Variants in GFRAL observed in about 807,000 individuals in gnomAD.
GFRAL encodes the protein GDNF family receptor alpha-like.
A neutral mutation model predicts 45.4 loss-of-function variants in GFRAL; 36 were observed. That is an observed-to-expected ratio of 0.79 (90% CI 0.61 to 1.05). GFRAL has a LOEUF of 1.05. GFRAL is among the 50% of genes least tolerant of loss of function. GFRAL has a pLI of 0.00. For synonymous variants in GFRAL, 166 were observed against 154.1 expected, an observed-to-expected ratio of 1.08 and a Z score of -0.57; for missense variants, 507 against 467.5, an observed-to-expected ratio of 1.08 and a Z score of -0.78.
At chr6:55,401,044 T>A (rs1768890525) in intron 8 of GFRAL, among the ~76,000 whole-genome samples, 1 of 152,168 alleles carries the variant, frequency 6.6e-6, no homozygotes, top group African/African-American at 2.4e-5. Context: ...ATTCCCTATG[T>A]ATTTGCTGTA....
chr6:55,376,369 C>T (rs116741038), intron 6 of GFRAL, among the ~76,000 whole-genome samples: 4,439 of 152,130 alleles, frequency 0.029, 88 homozygotes, highest in African/African-American at 0.05. Context: ...TGATTTTGTG[C>T]TCATAGAGTA....
At chr6:55,336,762 A>G (rs1662722909) in intron 3 of GFRAL, among the ~76,000 whole-genome samples, 1 of 152,130 alleles carries the variant, frequency 6.6e-6, no homozygotes, top group Non-Finnish European at 1.5e-5. Flanking sequence ...AATATATTAA[A>G]TAGAATTGTT....
At chr6:55,382,106 C>G (rs1250228638) in intron 6 of GFRAL, among the ~76,000 whole-genome samples, 1 of 151,856 alleles carries the variant, frequency 6.6e-6, no homozygotes, top group East Asian at 1.9e-4. Flanking sequence ...AACAGAATTT[C>G]TCTACTCTGT....
chr6:55,343,852 A>G (rs895412798), intron 3 of GFRAL, among the ~76,000 whole-genome samples: 9 of 152,204 alleles, frequency 5.9e-5, no homozygotes, highest in African/African-American at 2.2e-4. Flanking sequence ...GGATATCACC[A>G]TTTAATACAG....
intron 6 of GFRAL, among the ~76,000 whole-genome samples, chr6:55,376,512 C>T (rs1438634375): frequency 6.6e-6 from 1 of 151,928 alleles, no homozygotes; most frequent in Non-Finnish European, 1.5e-5. Context: ...ATTACTGCCT[C>T]AATTTCAGAA....
At chr6:55,346,573 A>C (rs1403754409) in intron 3 of GFRAL, among the ~76,000 whole-genome samples, 2 of 152,046 alleles carry the variant, frequency 1.3e-5, no homozygotes, top group East Asian at 3.9e-4. Flanking sequence ...GGATAGCATT[A>C]GGAGATATAC....
intron 6 of GFRAL, among the ~76,000 whole-genome samples, chr6:55,370,757 GC>G (rs1291504560): frequency 2.0e-5 from 3 of 152,160 alleles, no homozygotes; most frequent in Admixed American, 2.0e-4. Context: ...AGTTACATAG[GC>G]CCTGTGCTCA....
chr6:55,399,437 C>A lies in GFRAL; in HGVS notation c.1117C>A (p.Leu373Ile), dbSNP rs780164083. The change falls in exon 8 of 9, where the codon CTT becomes ATT. Residue 373 changes from leucine (L) to isoleucine (I), a missense_variant. Coordinates refer to ENST00000340465, the MANE Select transcript of GFRAL (RefSeq NM_207410.2). ...AATCCTTCTGTTGGTTATGGTCAAG[C>A]TTAGGTAACTGAATATAAATTAGAA... Reference protein sequence around the residue: ...CGILLLVMVKLRTSRISSKAR... With the variant: ...CGILLLVMVKIRTSRISSKAR... 6.3e-7 allele frequency: 1 copy of A among 1,595,362 alleles called. No homozygotes were observed. Among genetic ancestry groups the A allele is most frequent in the Admixed American group, 1.7e-5 (1 of 59,976 alleles).
intron 6 of GFRAL, among the ~76,000 whole-genome samples, chr6:55,368,175 A>G (rs1178101580): frequency 3.3e-5 from 5 of 151,172 alleles, no homozygotes; most frequent in Non-Finnish European, 7.4e-5. Context: ...TTCCCTTCTC[A>G]CTTCATTTCA....
intron 3 of GFRAL, among the ~76,000 whole-genome samples, chr6:55,348,606 G>C (rs1025425126): frequency 6.6e-6 from 1 of 151,920 alleles, no homozygotes; most frequent in Non-Finnish European, 1.5e-5. Context: ...TTTTCCCTGC[G>C]TTCTCAGGAC....
chr6:55,390,699 C>T (rs578012124), intron 6 of GFRAL, among the ~76,000 whole-genome samples: 1 of 152,036 alleles, frequency 6.6e-6, no homozygotes, highest in East Asian at 1.9e-4. Context: ...ACCAGCCTGA[C>T]CAACATGGTG....
intron 6 of GFRAL, among the ~76,000 whole-genome samples, chr6:55,369,172 A>T (rs1022987805): frequency 6.6e-6 from 1 of 152,032 alleles, no homozygotes; most frequent in Non-Finnish European, 1.5e-5. Context: ...CCGTCGGAAA[A>T]GCGCAGTATT....
chr6:55,344,071 A>C (rs1768006678), intron 3 of GFRAL, among the ~76,000 whole-genome samples: 1 of 152,178 alleles, frequency 6.6e-6, no homozygotes, highest in African/African-American at 2.4e-5. Context: ...AAAAAAGTCC[A>C]GGACCAGATG....
intron 8 of GFRAL, among the ~76,000 whole-genome samples, chr6:55,400,714 T>A (rs1411053964): frequency 6.6e-6 from 1 of 152,120 alleles, no homozygotes; most frequent in Non-Finnish European, 1.5e-5. Context: ...TTCTAAGATA[T>A]GGGTTGAAAG....
intron 2 of GFRAL, among the ~76,000 whole-genome samples, chr6:55,333,555 G>A (rs947027877): frequency 2.6e-5 from 4 of 152,082 alleles, no homozygotes; most frequent in Admixed American, 2.6e-4. Context: ...GTAGGAAAAA[G>A]CTATTTTGAA....
intron 6 of GFRAL, among the ~76,000 whole-genome samples, chr6:55,383,898 A>G (rs1009154897): frequency 2.6e-5 from 4 of 152,098 alleles, no homozygotes; most frequent in Non-Finnish European, 5.9e-5. Context: ...TCGGAAAATC[A>G]GGTGGAATCT....
In GFRAL at chr6:55,337,133, G is replaced by A. The variant is rs190392506; in HGVS notation, c.316+3189G>A. Among the ~76,000 whole-genome samples the A allele has an allele frequency of 2.0e-3, 298 of 151,882 alleles. 1 individual carries two copies. Among genetic ancestry groups the A allele is most frequent in the African/African-American group, 5.4e-3 (222 of 41,432 alleles). ...TCTATGTTAATGTATATTTGTATCC[G>A]TTAACCAACTTCTCTCCATTTCTCC... On this transcript the variant is annotated intron_variant, in intron 3 of 8. Coordinates refer to ENST00000340465, the MANE Select transcript of GFRAL (RefSeq NM_207410.2).
chr6:55,386,351 A>G (rs573895880), intron 6 of GFRAL, among the ~76,000 whole-genome samples: 1 of 152,278 alleles, frequency 6.6e-6, no homozygotes, highest in Admixed American at 6.5e-5. Context: ...CACCTAAGGG[A>G]CATTCAAAAA....
rs1347721391 is a variant in GFRAL, at chr6:55,380,591, C to T, written c.953-18589C>T. Among the ~76,000 whole-genome samples, 5 of 151,952 alleles carry T rather than the reference C, an allele frequency of 3.3e-5. No homozygotes were observed. The East Asian group carries it at 7.7e-4, about 24-fold the overall frequency. On this transcript the variant is annotated intron_variant, in intron 6 of 8. Coordinates refer to ENST00000340465, the MANE Select transcript of GFRAL (RefSeq NM_207410.2). Reference sequence around the variant, plus strand: ...TAATCCACATTTGGGAAAACCCAGTCACCAGCCATAGGTCCCAGATCCTCT... The same window carrying T: ...TAATCCACATTTGGGAAAACCCAGTTACCAGCCATAGGTCCCAGATCCTCT...
Sources: gnomAD v4.1 joint callset for allele counts (sites outside exome capture counted in the v4.1 genomes callset) on GRCh38, gnomAD v4.1.1 for gene constraint, MANE v1.5 for transcripts, NCBI Gene and HGNC (gene_info 2026-07-23, HGNC 2026-07-21) for gene names.